Variants in RGP1 observed in about 807,000 individuals in gnomAD.
RGP1 encodes the protein RAB6A-GEF complex partner protein 2.
In RGP1, 28 loss-of-function variants were observed where a neutral mutation model predicts 44.5. The observed-to-expected ratio is 0.63, with a 90% confidence interval of 0.47 to 0.86. The LOEUF is 0.86. Ranked by LOEUF, RGP1 falls within the 40% of genes least tolerant of loss-of-function variation. RGP1 has a pLI of 0.00. For synonymous variants in RGP1, 212 were observed against 196.7 expected, an observed-to-expected ratio of 1.08 and a Z score of -0.65; for missense variants, 417 against 490.7, an observed-to-expected ratio of 0.85 and a Z score of 1.42.
Position 35,752,002 on chromosome 9 carries a change from A to AGCG in RGP1, c.813_815dup (p.Arg273dup), listed in dbSNP as rs1827273467. 6.2e-7 allele frequency: 1 copy of AGCG among 1,601,916 alleles called. No individual in the cohort carries two copies. The highest frequency in any genetic ancestry group is 1.3e-5 in the African/African-American group (1 of 74,540). ...GAGGAGCGTGTACAGCCTGAGTACCAGCGGCGACGTGGGGCAGGGGGTGTC... is the reference window on the plus strand; with the variant it reads ...GAGGAGCGTGTACAGCCTGAGTACCAGCGGCGGCGACGTGGGGCAGGGGGTGTC... On this transcript the variant is annotated inframe_insertion, in exon 8 of 9. Transcript: ENST00000378078.
the RGP1 span, among the ~76,000 whole-genome samples, chr9:35,783,480 C>T: frequency 6.6e-6 from 1 of 152,082 alleles, no homozygotes; most frequent in Non-Finnish European, 1.5e-5. Context: ...CCTGCCTATG[C>T]TTCCCAACCT....
At chr9:35,784,851 C>T in the RGP1 span, among the ~76,000 whole-genome samples, 1 of 152,132 alleles carries the variant, frequency 6.6e-6, no homozygotes, top group Non-Finnish European at 1.5e-5. Context: ...TCATCAGATC[C>T]TCCTGCCTTA....
rs762115572 is a variant in RGP1 at position 35,752,755 on chromosome 9, C to T, written c.1057C>T (p.Pro353Ser). ...EQPEPTTWTG[P>S]EQVPVDTFSW... The stretch of plus-strand genomic sequence containing the variant: ...GCCCGAACCTACCACCTGGACAGGA[C>T]CTGAGCAAGTACCTGTAGACACCTT... Residue 353 changes from proline to serine, a missense_variant, in exon 9 of 9, where the codon CCT becomes TCT. Coordinates refer to ENST00000378078, the MANE Select transcript of RGP1 (RefSeq NM_001080496.3). 1.2e-6 allele frequency: 2 copies of T among 1,613,690 alleles called. No homozygotes were observed. Among genetic ancestry groups the T allele is most frequent in the African/African-American group, 2.7e-5 (2 of 74,916 alleles).
the RGP1 span, among the ~76,000 whole-genome samples, chr9:35,773,088 C>CA: frequency 5.9e-5 from 9 of 152,106 alleles, no homozygotes; most frequent in East Asian, 1.6e-3. Context: ...AAAAGTAATA[C>CA]ATAATTATTG....
In RGP1 at chr9:35,754,274, C is replaced by T; in HGVS notation, c.*1400C>T. 9.8e-7 allele frequency: 1 copy of T among 1,018,342 alleles called. No individual in the cohort carries two copies. Among genetic ancestry groups the T allele is most frequent in the South Asian group, 1.8e-5 (1 of 56,672 alleles). 63.1% of individuals were successfully genotyped at this position (1,018,342 alleles called of 1,614,324 possible). On this transcript the variant is annotated 3_prime_UTR_variant, in exon 9 of 9. Coordinates refer to ENST00000378078, the MANE Select transcript of RGP1 (RefSeq NM_001080496.3). ...TCCTGTCTCACACTATCTCCCTGCCCTCTGCTCTCACAGGCTGGGGATGTT... is the reference window on the plus strand; with the variant it reads ...TCCTGTCTCACACTATCTCCCTGCCTTCTGCTCTCACAGGCTGGGGATGTT...
chr9:35,759,064 A>C (rs1404247323), downstream of RGP1, among the ~76,000 whole-genome samples: 1 of 152,176 alleles, frequency 6.6e-6, no homozygotes. Flanking sequence ...GATTAGAAAA[A>C]GATGCTTATG....
chr9:35,776,943 C>T, the RGP1 span, among the ~76,000 whole-genome samples: 2 of 148,838 alleles, frequency 1.3e-5, no homozygotes, highest in Admixed American at 6.7e-5. Flanking sequence ...TCCAGTGAGC[C>T]GAGCTGGCAC....
In RGP1 at chr9:35,752,815, A is replaced by G. The variant is rs1443052963; in HGVS notation, c.1117A>G (p.Ser373Gly). The change falls in exon 9 of 9, where the codon AGC (serine) becomes GGC (glycine). Residue 373 changes from serine (S) to glycine (G), a missense_variant. By Grantham distance (56) the Ser-to-Gly change is moderately conservative (BLOSUM62 0). Coordinates refer to ENST00000378078, the MANE Select transcript of RGP1 (RefSeq NM_001080496.3). ...CCTGCCCATCAAGGTGCTGCCTACT[A>G]GCCCCACCCTGGCCTCATATGCTGC... The part of the protein sequence containing the change: ...WDLPIKVLPT[S>G]PTLASYAAPG... 6.2e-7 allele frequency: 1 copy of G among 1,613,798 alleles called. No homozygotes were observed. The highest frequency in any genetic ancestry group is 8.5e-7 in the Non-Finnish European group (1 of 1,179,810).
chr9:35,751,789 T>TGCTGGGGTTGAAGG, intron 7 of RGP1, 35 bp downstream of exon 7: 1 of 1,612,974 alleles, frequency 6.2e-7, no homozygotes, highest in Non-Finnish European at 8.5e-7. Context: ...CCTGCTGGGG[T>TGCTGGGGTTGAAGG]GCTGGGGTTG....
chr9:35,766,933 G>A, the RGP1 span, among the ~76,000 whole-genome samples: 1 of 152,206 alleles, frequency 6.6e-6, no homozygotes, highest in African/African-American at 2.4e-5. Context: ...TATTTGAGTG[G>A]GTGAAATTGT....
At position 35,753,888 on chromosome 9, in the gene RGP1, T is replaced by C; in HGVS notation, c.*1014T>C. The C allele has an allele frequency of 6.5e-7, 1 of 1,550,340 alleles. No homozygotes were observed. The highest frequency in any genetic ancestry group is 8.8e-7 in the Non-Finnish European group (1 of 1,139,480). On this transcript the variant is annotated 3_prime_UTR_variant, in exon 9 of 9. Coordinates refer to ENST00000378078, the MANE Select transcript of RGP1 (RefSeq NM_001080496.3). This position sits in a 1 kb window ranked among gnomAD's most constrained non-coding sequence, Gnocchi z 4.2. ...CCCCGTATTTAGTTTGTCTTTCCTG[T>C]TTCACAGCTGGAGGAAGCCTGGGTA...
At chr9:35,790,233 G>T in the RGP1 span, 1 of 153,402 alleles carries the variant, frequency 6.5e-6, no homozygotes, top group Non-Finnish European at 1.5e-5. Flanking sequence ...TAAAGAAGGA[G>T]CTGTCCTGAG....
the RGP1 span, among the ~76,000 whole-genome samples, chr9:35,777,105 G>A: frequency 2.8e-5 from 4 of 145,318 alleles, no homozygotes; most frequent in Admixed American, 7.1e-5. Context: ...TATACATGAA[G>A]TTATCTAAAT....
In RGP1 at chr9:35,749,427, C is replaced by A. The variant is rs1344826926; in HGVS notation, c.-20+19C>A. 1 of 578,600 alleles carries A rather than the reference C, an allele frequency of 1.7e-6. No individual in the cohort carries two copies. 35.8% of individuals were successfully genotyped at this position (578,600 alleles called of 1,614,324 possible). A position where few individuals can be genotyped will look rare whatever the true frequency, so the allele number is the denominator to read the frequency against. On this transcript the variant is annotated intron_variant, in intron 1 of 8. Transcript: ENST00000378078. The surrounding 1 kb of genome is among the most constrained non-coding windows in gnomAD (Gnocchi z 4.4). ...ATGCGAGGTGACTAGCGGCGGTGATCTTGGGCTGGGACGTGGAACTTTGAG... is the reference window on the plus strand; with the variant it reads ...ATGCGAGGTGACTAGCGGCGGTGATATTGGGCTGGGACGTGGAACTTTGAG...
chr9:35,752,240 C>A, intron 8 of RGP1, 95 bp downstream of exon 8: 1 of 1,185,624 alleles, frequency 8.4e-7, no homozygotes, highest in Non-Finnish European at 1.2e-6. Context: ...TATACACACT[C>A]CCAGACATAC....
chr9:35,762,406 A>C (rs1322117257), downstream of RGP1, among the ~76,000 whole-genome samples: 1 of 152,146 alleles, frequency 6.6e-6, no homozygotes, highest in African/African-American at 2.4e-5. Context: ...TTAGGCAGTA[A>C]ATTTTGGCCA....
At position 35,757,683 on chromosome 9, in the gene RGP1, G is replaced by C. The variant is rs1827378423; in HGVS notation, c.*4809G>C. 6.6e-6 allele frequency: 1 copy of C among 152,280 alleles called. No individual in the cohort carries two copies. Among genetic ancestry groups the C allele is most frequent in the African/African-American group, 2.4e-5 (1 of 41,430 alleles). The allele number at this position is 152,280 out of a possible 1,614,324, so 9.4% of individuals were successfully genotyped here. A position where few individuals can be genotyped will look rare whatever the true frequency, so the allele number is the denominator to read the frequency against. ...GTGAAGGGTAGGTTTTAGGAGTAGG[G>C]GGAGTTATGATTATTTGGTTACATT... On this transcript the variant is annotated 3_prime_UTR_variant, in exon 9 of 9. Coordinates refer to ENST00000378078, the MANE Select transcript of RGP1 (RefSeq NM_001080496.3).
chr9:35,764,537 A>G, the RGP1 span, among the ~76,000 whole-genome samples: 2 of 152,238 alleles, frequency 1.3e-5, no homozygotes, highest in Non-Finnish European at 2.9e-5. Context: ...ATACAGGAAG[A>G]TGTACCCATT....
At position 35,749,553 on chromosome 9, in the gene RGP1, C is replaced by T; in HGVS notation, c.-20+145C>T. The T allele has an allele frequency of 1.5e-6, 1 of 680,382 alleles. No individual in the cohort carries two copies. Among genetic ancestry groups the T allele is most frequent in the South Asian group, 1.5e-5 (1 of 64,762 alleles). 42.1% of individuals were successfully genotyped at this position (680,382 alleles called of 1,614,324 possible). ...GGTCTAGGGCCCAGAGCGATGTCCT[C>T]CCCCTGGGCAGTACTGAGTCTTCAG... On this transcript the variant is annotated intron_variant, in intron 1 of 8. Coordinates refer to ENST00000378078, the MANE Select transcript of RGP1 (RefSeq NM_001080496.3). The surrounding 1 kb of genome is among the most constrained non-coding windows in gnomAD (Gnocchi z 4.4).
Sources: allele counts gnomAD v4.1 joint callset (sites outside exome capture counted in the v4.1 genomes callset), GRCh38; gene constraint gnomAD v4.1.1; non-coding constraint Gnocchi (gnomAD v3.1); transcripts MANE v1.5; gene names NCBI Gene and HGNC (gene_info 2026-07-23, HGNC 2026-07-21).